PDGFRL: variants seen among roughly 807,000 people sequenced by gnomAD.
The protein encoded by PDGFRL is platelet-derived growth factor receptor-like protein.
PDGFRL carries 46 observed loss-of-function variants against 37.2 expected under a neutral mutation model. That is an observed-to-expected ratio of 1.24 (90% CI 0.98 to 1.58). The LOEUF (loss-of-function observed/expected upper bound fraction) is 1.58, where lower values mean the gene tolerates loss of function less well. Ranked by LOEUF, PDGFRL falls within the 40% of genes most tolerant of loss-of-function variation. PDGFRL has a pLI of 0.00. For missense variants in PDGFRL, 692 were observed against 467.6 expected, an observed-to-expected ratio of 1.48 and a Z score of -4.43; for synonymous variants, 251 against 184.3, an observed-to-expected ratio of 1.36 and a Z score of -2.93.
intron 2 of PDGFRL, among the ~76,000 whole-genome samples, chr8:17,611,267 T>C (rs1261254566): frequency 1.3e-5 from 2 of 152,176 alleles, no homozygotes; most frequent in Admixed American, 1.3e-4. Flanking sequence ...TTAACTCACA[T>C]TGGATAAAAA....
At chr8:17,614,833 A>G (rs1318179347) in intron 2 of PDGFRL, among the ~76,000 whole-genome samples, 1 of 152,166 alleles carries the variant, frequency 6.6e-6, no homozygotes, top group Non-Finnish European at 1.5e-5. Flanking sequence ...TTGTTTATCT[A>G]CCTGAGGCAC....
chr8:17,636,143 T>G (rs1804966138), intron 5 of PDGFRL, among the ~76,000 whole-genome samples: 1 of 152,244 alleles, frequency 6.6e-6, no homozygotes, highest in Non-Finnish European at 1.5e-5. Flanking sequence ...CTATCTTTGT[T>G]TTTGTTGCAT....
At chr8:17,583,603 T>A (rs546943248) in intron 1 of PDGFRL, among the ~76,000 whole-genome samples, 1 of 152,280 alleles carries the variant, frequency 6.6e-6, no homozygotes, top group East Asian at 1.9e-4. Flanking sequence ...TTTGACCTCC[T>A]CCTAACCTCA....
intron 2 of PDGFRL, among the ~76,000 whole-genome samples, chr8:17,606,315 C>G (rs1348726676): frequency 1.3e-5 from 2 of 152,164 alleles, no homozygotes; most frequent in Admixed American, 6.5e-5. Context: ...TGTATGCGAA[C>G]TCACTTTCCT....
intron 2 of PDGFRL, among the ~76,000 whole-genome samples, chr8:17,616,875 G>C (rs1804540454): frequency 6.6e-6 from 1 of 152,100 alleles, no homozygotes; most frequent in Non-Finnish European, 1.5e-5. Context: ...CCTTGCCCTT[G>C]GCTTGCAGAG....
chr8:17,588,240 G>C (rs1312338231), intron 1 of PDGFRL, among the ~76,000 whole-genome samples: 2 of 152,088 alleles, frequency 1.3e-5, no homozygotes, highest in African/African-American at 2.4e-5. Context: ...GTTGAGTTTT[G>C]ATAATTTATA....
intron 2 of PDGFRL, among the ~76,000 whole-genome samples, chr8:17,615,802 A>G (rs569464938): frequency 2.6e-4 from 39 of 152,340 alleles, no homozygotes; most frequent in African/African-American, 8.7e-4. Flanking sequence ...CCAGCTACTC[A>G]GGAGGCCAAG....
chr8:17,612,353 C>A (rs1804436731), intron 2 of PDGFRL, among the ~76,000 whole-genome samples: 1 of 151,730 alleles, frequency 6.6e-6, no homozygotes, highest in Non-Finnish European at 1.5e-5. Context: ...CCTCTTCCTT[C>A]TTCCTTCTCC....
chr8:17,623,350 G>A (rs1244666790), intron 3 of PDGFRL, among the ~76,000 whole-genome samples: 2 of 152,128 alleles, frequency 1.3e-5, no homozygotes, highest in Admixed American at 1.3e-4. Flanking sequence ...TTTGGAACTC[G>A]CTACACAAGA....
At chr8:17,594,045 C>A (rs962073444) in intron 2 of PDGFRL, among the ~76,000 whole-genome samples, 4 of 152,032 alleles carry the variant, frequency 2.6e-5, no homozygotes, top group Non-Finnish European at 5.9e-5. Flanking sequence ...TCTTTCCTGG[C>A]AGTCACCTTG....
intron 2 of PDGFRL, among the ~76,000 whole-genome samples, chr8:17,612,162 G>A (rs962070758): frequency 6.6e-6 from 1 of 152,164 alleles, no homozygotes; most frequent in African/African-American, 2.4e-5. Flanking sequence ...GGAATTCTTG[G>A]TGGCCCTGCC....
At position 17,638,907 on chromosome 8, in the gene PDGFRL, A is replaced by G. The variant is rs535936670; in HGVS notation, c.940-3706A>G. ...CTGATATAAGAACAGCTACTCCTCT[A>G]TAAGACAGGCCTGCACCTGTAATCC... On this transcript the variant is annotated intron_variant, in intron 5 of 5. Transcript: ENST00000251630. 4.0e-5 allele frequency among the ~76,000 whole-genome samples: 6 copies of G among 151,190 alleles called. No homozygotes were observed. In the East Asian group the frequency reaches 7.8e-4, roughly 20 times the overall value.
chr8:17,607,132 G>A (rs1207872819), intron 2 of PDGFRL, among the ~76,000 whole-genome samples: 3 of 152,062 alleles, frequency 2.0e-5, no homozygotes, highest in Non-Finnish European at 4.4e-5. Context: ...CTGACCTCAA[G>A]TGATCCACCT....
intron 2 of PDGFRL, among the ~76,000 whole-genome samples, chr8:17,619,365 A>G (rs937862810): frequency 1.3e-4 from 20 of 152,234 alleles, no homozygotes; most frequent in African/African-American, 4.8e-4. Context: ...CTAGTGTTTA[A>G]TAATAAATAT....
At chr8:17,579,197 A>G (rs1803654235) in intron 1 of PDGFRL, among the ~76,000 whole-genome samples, 2 of 152,218 alleles carry the variant, frequency 1.3e-5, no homozygotes, top group Non-Finnish European at 2.9e-5. Context: ...CTCCATCTCA[A>G]GAAAATAAAG....
Position 17,642,151 on chromosome 8 carries a change from T to C in PDGFRL, c.940-462T>C, listed in dbSNP as rs1039113844. 3.0e-4 allele frequency among the ~76,000 whole-genome samples: 45 copies of C among 152,230 alleles called. 1 individual carries two copies. The highest frequency in any genetic ancestry group is 9.9e-4 in the African/African-American group (41 of 41,530). On this transcript the variant is annotated intron_variant, in intron 5 of 5. Coordinates refer to ENST00000251630, the MANE Select transcript of PDGFRL (RefSeq NM_001372073.1). ...TAATCATACTTCTCCCTCTCTCAAA[T>C]CTGAGCAATTGGGAGCTCTTAGTCA...
intron 3 of PDGFRL, among the ~76,000 whole-genome samples, chr8:17,627,700 T>C (rs1454380624): frequency 1.3e-5 from 2 of 151,666 alleles, no homozygotes; most frequent in Admixed American, 1.3e-4. Flanking sequence ...GGTCTTGAAC[T>C]CCTGAGCTCA....
intron 1 of PDGFRL, among the ~76,000 whole-genome samples, chr8:17,584,717 C>CT (rs58165312): frequency 0.12 from 17,111 of 145,112 alleles, 1,578 homozygotes; most frequent in South Asian, 0.26. Flanking sequence ...TCAGAAACTG[C>CT]TTTTTTTTTT....
chr8:17,579,023 C>A lies in PDGFRL; in HGVS notation c.55+1716C>A, dbSNP rs913980282. Among the ~76,000 whole-genome samples the A allele has an allele frequency of 1.3e-5, 2 of 152,034 alleles. 1 individual carries two copies. The highest frequency in any genetic ancestry group is 4.8e-5 in the African/African-American group (2 of 41,378). ...GACCAGCCTGGCCAAGATGGTGAAA[C>A]CCCGTCTCTACTAAAAATATAAAAA... is the stretch of plus-strand genomic sequence containing the variant. On this transcript the variant is annotated intron_variant, in intron 1 of 5. Transcript: ENST00000251630.
Sources: gnomAD v4.1 joint callset for allele counts (sites outside exome capture counted in the v4.1 genomes callset) on GRCh38, gnomAD v4.1.1 for gene constraint, MANE v1.5 for transcripts, NCBI Gene and HGNC (gene_info 2026-07-23, HGNC 2026-07-21) for gene names.